ANO10: variants seen among roughly 807,000 people sequenced by gnomAD.
ANO10 encodes the protein anoctamin 10, also known as anoctamin-10.
In ANO10, 77 loss-of-function variants were observed where a neutral mutation model predicts 74.7. That is an observed-to-expected ratio of 1.03 (90% CI 0.86 to 1.25). The LOEUF (loss-of-function observed/expected upper bound fraction) is 1.25. Among genes scored for constraint, ANO10 ranks in the 50% most tolerant of loss-of-function variants. The pLI, the probability that ANO10 is intolerant of heterozygous loss-of-function variation, is 0.00. For synonymous variants in ANO10, 279 were observed against 284.9 expected, an observed-to-expected ratio of 0.98 and a Z score of 0.21; for missense variants, 721 against 778.1, an observed-to-expected ratio of 0.93 and a Z score of 0.87.
chr3:43,423,594 GGCAGGTAT>G (rs1474397769), intron 12 of ANO10, among the ~76,000 whole-genome samples: 4 of 152,180 alleles, frequency 2.6e-5, no homozygotes, highest in Admixed American at 6.5e-5. Flanking sequence ...GACTGCAGAG[GGCAGGTAT>G]ACTGGTGGTC....
rs200758639 is a variant in ANO10 at position 43,535,589 on chromosome 3, AG to A, written c.1797+14130del. Among the ~76,000 whole-genome samples, 33 of 152,244 alleles carry A rather than the reference AG, an allele frequency of 2.2e-4. No individual in the cohort carries two copies. The East Asian group carries it at 6.2e-3, about 28-fold the overall frequency. ...GCGCCTGGCCTCCTAGACATTCTTAAGGAAGGAAGCAGGATGTTGATTTATA... is the reference window on the plus strand; with the variant it reads ...GCGCCTGGCCTCCTAGACATTCTTAAGAAGGAAGCAGGATGTTGATTTATA... On this transcript the variant is annotated intron_variant, in intron 11 of 12. Transcript: ENST00000292246.
At chr3:43,483,866 A>G (rs1186106161) in intron 11 of ANO10, among the ~76,000 whole-genome samples, 1 of 152,218 alleles carries the variant, frequency 6.6e-6, no homozygotes, top group African/African-American at 2.4e-5. Flanking sequence ...AATTGGTTGA[A>G]AGAATTAAGC....
At chr3:43,609,569 C>A (rs1473409166) in intron 1 of ANO10, among the ~76,000 whole-genome samples, 1 of 152,160 alleles carries the variant, frequency 6.6e-6, no homozygotes, top group Non-Finnish European at 1.5e-5. Context: ...ATGACAAAGA[C>A]AGTTCTGAGA....
chr3:43,572,919 A>C (rs2080808664), intron 7 of ANO10, among the ~76,000 whole-genome samples: 1 of 152,148 alleles, frequency 6.6e-6, no homozygotes, highest in Non-Finnish European at 1.5e-5. Flanking sequence ...AGGCTAAGAA[A>C]CACCATCCCC....
At chr3:43,382,392 G>A (rs533595944) in intron 12 of ANO10, among the ~76,000 whole-genome samples, 10 of 151,750 alleles carry the variant, frequency 6.6e-5, no homozygotes, top group East Asian at 1.9e-4. Context: ...GGTAGCGGGC[G>A]CCTGTAGTCC....
intron 9 of ANO10, among the ~76,000 whole-genome samples, chr3:43,558,554 G>A (rs1437664696): frequency 6.6e-6 from 1 of 152,104 alleles, no homozygotes; most frequent in Non-Finnish European, 1.5e-5. Context: ...TTTTCTACAG[G>A]GAGTGAGAAA....
chr3:43,524,535 G>A (rs2149226244), intron 11 of ANO10, among the ~76,000 whole-genome samples: 1 of 152,256 alleles, frequency 6.6e-6, no homozygotes, highest in Non-Finnish European at 1.5e-5. Context: ...CAAGTACCCT[G>A]TGCAATGATT....
intron 8 of ANO10, among the ~76,000 whole-genome samples, chr3:43,564,680 G>C (rs1008730815): frequency 6.6e-6 from 1 of 152,094 alleles, no homozygotes; most frequent in South Asian, 2.1e-4. Flanking sequence ...GGATATCTAT[G>C]TACATGAATC....
At chr3:43,551,718 A>G (rs1447852367) in intron 10 of ANO10, 1 of 346,126 alleles carries the variant, frequency 2.9e-6, no homozygotes, top group East Asian at 8.0e-5. Context: ...TTTTGCACAG[A>G]TGTCTATTTT....
chr3:43,673,880 C>G (rs1165637212), intron 1 of ANO10, among the ~76,000 whole-genome samples: 1 of 152,086 alleles, frequency 6.6e-6, no homozygotes, highest in Non-Finnish European at 1.5e-5. Context: ...TCTGCCCCTA[C>G]CCCCAATGAC....
chr3:43,610,889 C>T (rs2082783716), intron 1 of ANO10, among the ~76,000 whole-genome samples: 1 of 152,086 alleles, frequency 6.6e-6, no homozygotes, highest in South Asian at 2.1e-4. Context: ...GAAATTGTAT[C>T]CTATTGACTG....
chr3:43,366,881 C>G lies in ANO10; in HGVS notation c.*25G>C, dbSNP rs1320531692. 6.4e-7 allele frequency: 1 copy of G among 1,566,356 alleles called. No individual in the cohort carries two copies. The highest frequency in any genetic ancestry group is 2.3e-5 in the East Asian group (1 of 43,018). On this transcript the variant is annotated 3_prime_UTR_variant, in exon 13 of 13. Coordinates refer to ENST00000292246, the MANE Select transcript of ANO10 (RefSeq NM_018075.5). ...TGGCACAGACACAGGCCTCTGCCAA[C>G]AGGGCAGCTGGGCACGCTGGGCACT...
intron 11 of ANO10, among the ~76,000 whole-genome samples, chr3:43,504,426 G>C (rs1252026317): frequency 6.6e-6 from 1 of 152,012 alleles, no homozygotes; most frequent in African/African-American, 2.4e-5. Context: ...CAAAGGAAAA[G>C]CATGAAATAT....
intron 10 of ANO10, among the ~76,000 whole-genome samples, chr3:43,552,716 ATATATATATATATGTATGTATG>A (rs2079532352): frequency 7.4e-6 from 1 of 134,892 alleles, no homozygotes; most frequent in African/African-American, 3.0e-5. Flanking sequence ...ATATATATAT[ATATATATATATATGTATGTATG>A]TATGTATGTA....
At chr3:43,384,808 A>G (rs898821570) in intron 12 of ANO10, among the ~76,000 whole-genome samples, 1 of 152,244 alleles carries the variant, frequency 6.6e-6, no homozygotes, top group African/African-American at 2.4e-5. Flanking sequence ...ACCTGAAACC[A>G]TAAAGATTCT....
At chr3:43,501,893 G>A (rs1051765091) in intron 11 of ANO10, among the ~76,000 whole-genome samples, 5 of 152,162 alleles carry the variant, frequency 3.3e-5, no homozygotes, top group Non-Finnish European at 7.4e-5. Flanking sequence ...CCTATTCTAA[G>A]CCACAGAGTA....
chr3:43,583,868 A>G (rs1227075001), intron 4 of ANO10, among the ~76,000 whole-genome samples: 2 of 152,250 alleles, frequency 1.3e-5, no homozygotes, highest in Non-Finnish European at 2.9e-5. Flanking sequence ...AAGAATATCT[A>G]TATAATATTA....
chr3:43,657,028 A>G (rs2083865338), intron 1 of ANO10, among the ~76,000 whole-genome samples: 1 of 152,280 alleles, frequency 6.6e-6, no homozygotes. Context: ...TCTTGTGAAC[A>G]AAAACTTTAG....
intron 11 of ANO10, among the ~76,000 whole-genome samples, chr3:43,483,127 T>TG (rs1433638644): frequency 2.0e-5 from 3 of 152,254 alleles, no homozygotes; most frequent in African/African-American, 7.2e-5. Flanking sequence ...CATGGATGGA[T>TG]GGTCAGCATC....
Sources: allele counts gnomAD v4.1 joint callset (sites outside exome capture counted in the v4.1 genomes callset), GRCh38; gene constraint gnomAD v4.1.1; transcripts MANE v1.5; gene names NCBI Gene and HGNC (gene_info 2026-07-23, HGNC 2026-07-21).